WDCP: variants seen among roughly 807,000 people sequenced by gnomAD.
WDCP encodes the protein WD repeat and coiled-coil-containing protein.
A neutral mutation model predicts 41.6 loss-of-function variants in WDCP; 19 were observed. The observed-to-expected ratio is 0.46, with a 90% confidence interval of 0.32 to 0.67. WDCP has a LOEUF of 0.67. Ranked by LOEUF, WDCP falls within the 30% of genes least tolerant of loss-of-function variation. The pLI, the probability that WDCP is intolerant of heterozygous loss-of-function variation, is 0.04. For synonymous variants in WDCP, 302 were observed against 320.8 expected, an observed-to-expected ratio of 0.94 and a Z score of 0.63; for missense variants, 802 against 850.7, an observed-to-expected ratio of 0.94 and a Z score of 0.71.
chr2:24,035,694 T>TATC, intron 2 of WDCP, among the ~76,000 whole-genome samples: 2 of 151,440 alleles, frequency 1.3e-5, no homozygotes, highest in African/African-American at 2.4e-5. Flanking sequence ...GCAGGAGGAC[T>TATC]GCTTGAGCCC....
In WDCP at chr2:24,038,230, T is replaced by C. The variant is rs1558334476; in HGVS notation, c.1265A>G (p.Tyr422Cys). 4 of 1,614,182 alleles carry C rather than the reference T, an allele frequency of 2.5e-6. No homozygotes were observed. The highest frequency in any genetic ancestry group is 2.5e-6 in the Non-Finnish European group (3 of 1,180,004). The change falls in exon 2 of 4, where the codon TAT becomes TGT. Residue 422 changes from tyrosine to cysteine, a missense_variant. This residue lies in a region of WDCP where 247 missense variants were observed against 240.5 expected (regional missense o/e 1.03). Coordinates refer to ENST00000295148, the MANE Select transcript of WDCP (RefSeq NM_025203.3). ...TTCTCTAACAATCAAGCTAATGGCA[T>C]ACTGATCAGACTTTGAAGAAGGAAG... ...TFLPSSKSDQ[Y>C]AISLIVREIM...
intron 1 of WDCP, among the ~76,000 whole-genome samples, chr2:24,040,601 A>G (rs1172677611): frequency 2.0e-5 from 3 of 152,236 alleles, no homozygotes; most frequent in Non-Finnish European, 2.9e-5. Context: ...ACATTTTCAC[A>G]TTCCCTATTG....
intron 1 of WDCP, among the ~76,000 whole-genome samples, chr2:24,041,683 T>C (rs1373784108): frequency 2.6e-5 from 4 of 151,224 alleles, no homozygotes; most frequent in Non-Finnish European, 4.4e-5. Flanking sequence ...TGAAACCCCA[T>C]CTCTACTCAA....
At chr2:24,045,925 C>T (rs1036843764) in intron 1 of WDCP, 2 of 151,838 alleles carry the variant, frequency 1.3e-5, no homozygotes, top group Non-Finnish European at 2.9e-5. Context: ...ATTTGTGAAG[C>T]GTTCCATAAA....
At chr2:24,035,428 A>G (rs1323436172) in intron 2 of WDCP, among the ~76,000 whole-genome samples, 2 of 152,158 alleles carry the variant, frequency 1.3e-5, no homozygotes. Context: ...GAACAGGCTG[A>G]AGAAACATAG....
At chr2:24,036,065 AAAATAAATAAATAAAT>A (rs546096434) in intron 2 of WDCP, among the ~76,000 whole-genome samples, 131 of 140,404 alleles carry the variant, frequency 9.3e-4, no homozygotes, top group Non-Finnish European at 1.5e-3. Context: ...CTCCGTCTCA[AAAATAAATAAATAAAT>A]AAATAAATAA....
chr2:24,045,786 A>C (rs1390775755), intron 1 of WDCP: 6 of 152,094 alleles, frequency 3.9e-5, no homozygotes, highest in Admixed American at 3.9e-4. Context: ...CAGCCTAGGC[A>C]ACACAGGGAG....
At position 24,037,657 on chromosome 2, in the gene WDCP, T is replaced by C; in HGVS notation, c.1818+20A>G. On this transcript the variant is annotated intron_variant, in intron 2 of 3. Coordinates refer to ENST00000295148, the MANE Select transcript of WDCP (RefSeq NM_025203.3). Reference sequence around the variant, plus strand: ...CAGGAGCTTTTATGTATAGTGGTAGTTCCTCAAAGGAGAATTTACCTGGTA... The same window carrying C: ...CAGGAGCTTTTATGTATAGTGGTAGCTCCTCAAAGGAGAATTTACCTGGTA... The C allele has an allele frequency of 1.9e-6, 3 of 1,588,370 alleles. No individual in the cohort carries two copies. The highest frequency in any genetic ancestry group is 1.1e-5 in the South Asian group (1 of 87,940).
intron 2 of WDCP, chr2:24,033,314 G>A: frequency 2.9e-6 from 1 of 339,946 alleles, no homozygotes; most frequent in Non-Finnish European, 6.0e-6. Context: ...TGGTTTATTA[G>A]GAAAAAAAAT....
rs908490881 is a variant in WDCP, at chr2:24,030,775, C to G, written c.*158G>C. The G allele has an allele frequency of 3.2e-5, 20 of 622,838 alleles. No homozygotes were observed. Among genetic ancestry groups the G allele is most frequent in the South Asian group, 2.7e-4 (13 of 48,540 alleles). The allele number at this position is 622,838 out of a possible 1,614,324, so 38.6% of individuals were successfully genotyped here. A position where few individuals can be genotyped will look rare whatever the true frequency, so the allele number is the denominator to read the frequency against. On this transcript the variant is annotated 3_prime_UTR_variant, in exon 4 of 4. Coordinates refer to ENST00000295148, the MANE Select transcript of WDCP (RefSeq NM_025203.3). ...TGAGCTCTGCTACACAGCAGCGAGC[C>G]TCAGCTCAGGGGAAACAGGGGGAAA...
In WDCP at chr2:24,039,274, G is replaced by A. The variant is rs377176083; in HGVS notation, c.221C>T (p.Pro74Leu). The A allele has an allele frequency of 6.8e-6, 11 of 1,614,212 alleles. No individual in the cohort carries two copies. The highest frequency in any genetic ancestry group is 1.1e-5 in the South Asian group (1 of 91,082). ...SWAPPVADDT[P>L]VLLAVQHEKH... ...CTCATGCTGGACAGCGAGTAGAACA[G>A]GTGTATCATCTGCAACAGGTGGGGC... The change falls in exon 2 of 4, where the codon CCT (proline) becomes CTT (leucine). Residue 74 changes from proline (P) to leucine (L), a missense_variant. Transcript: ENST00000295148.
chr2:24,031,914 T>G (rs529721937), intron 3 of WDCP, among the ~76,000 whole-genome samples: 1 of 152,386 alleles, frequency 6.6e-6, no homozygotes, highest in South Asian at 2.1e-4. Flanking sequence ...GGCTTTCTGT[T>G]ACTTCCTTGC....
intron 1 of WDCP, among the ~76,000 whole-genome samples, chr2:24,041,858 C>CA (rs56341766): frequency 2.5e-4 from 23 of 93,226 alleles, no homozygotes; most frequent in South Asian, 3.8e-4. Flanking sequence ...AACTCTGTCT[C>CA]AAAAAAAAAA....
rs1214817668 is a variant in WDCP at position 24,031,042 on chromosome 2, G to C, written c.2057C>G (p.Ser686Cys). ...AACAGCACCTGGACTGTGAGAAAAAGAGTCTCTGAAGACATCTGACCTGGA... is the reference window on the plus strand; with the variant it reads ...AACAGCACCTGGACTGTGAGAAAAACAGTCTCTGAAGACATCTGACCTGGA... ...SLSRSDVFRD[S>C]FSHSPGAVSS... is the part of the protein sequence containing the mutation. The change falls in exon 4 of 4, where the codon TCT becomes TGT. Residue 686 changes from serine to cysteine, a missense_variant. By Grantham distance (112) the Ser-to-Cys change is moderately radical. Coordinates refer to ENST00000295148, the MANE Select transcript of WDCP (RefSeq NM_025203.3). The C allele has an allele frequency of 6.2e-7, 1 of 1,614,208 alleles. No individual in the cohort carries two copies. The highest frequency in any genetic ancestry group is 1.1e-5 in the South Asian group (1 of 91,080).
At chr2:24,046,408 G>A (rs181069232) in intron 1 of WDCP, among the ~76,000 whole-genome samples, 3 of 152,292 alleles carry the variant, frequency 2.0e-5, no homozygotes, top group Admixed American at 6.5e-5. Flanking sequence ...AATCTCCAGA[G>A]TATAAGTTTT....
At chr2:24,041,653 GA>G (rs1663436893) in intron 1 of WDCP, among the ~76,000 whole-genome samples, 1 of 151,604 alleles carries the variant, frequency 6.6e-6, no homozygotes. Context: ...AGGAGTTCGA[GA>G]CCAGCCTGGC....
chr2:24,047,159 C>T (rs1663652747), intron 1 of WDCP, among the ~76,000 whole-genome samples, 155 bp downstream of exon 1: 1 of 152,084 alleles, frequency 6.6e-6, no homozygotes, highest in Non-Finnish European at 1.5e-5. Context: ...TCCCGCGACC[C>T]CTCACACGCG....
intron 3 of WDCP, 85 bp downstream of exon 3, chr2:24,032,744 C>T (rs886579485): frequency 2.6e-6 from 2 of 767,258 alleles, no homozygotes; most frequent in Admixed American, 1.9e-5. Flanking sequence ...GGTTGGTATC[C>T]CTCATTTTCA....
chr2:24,033,030 T>C, intron 2 of WDCP, 84 bp from the exon 3 acceptor site: 1 of 932,828 alleles, frequency 1.1e-6, no homozygotes, highest in South Asian at 1.4e-5. Flanking sequence ...TGTAAATAGT[T>C]TTTTAAAAAA....
Sources: gnomAD v4.1 joint callset for allele counts (sites outside exome capture counted in the v4.1 genomes callset) on GRCh38, gnomAD v4.1.1 for gene constraint, gnomAD v4.1.1 regional missense constraint, MANE v1.5 for transcripts, NCBI Gene and HGNC (gene_info 2026-07-23, HGNC 2026-07-21) for gene names.